The following KHDRBS2 variants were observed in gnomAD, a reference collection of about 807,000 sequenced individuals.
The protein encoded by KHDRBS2 is KH domain-containing, RNA-binding, signal transduction-associated protein 2.
In KHDRBS2, 26 loss-of-function variants were observed where a neutral mutation model predicts 44.3. The ratio of observed to expected loss-of-function variants is 0.59; its 90% CI spans 0.43 to 0.81. The LOEUF (loss-of-function observed/expected upper bound fraction) is 0.81, where lower values mean the gene tolerates loss of function less well. Among genes scored for constraint, KHDRBS2 ranks in the 40% least tolerant of loss-of-function variants. The probability of loss-of-function intolerance (pLI) is 0.00; values close to 1 mark genes in which losing one functional copy is unlikely to be tolerated. For missense variants in KHDRBS2, 476 were observed against 433.1 expected, an observed-to-expected ratio of 1.10 and a Z score of -0.88; for synonymous variants, 194 against 151.1, an observed-to-expected ratio of 1.28 and a Z score of -2.08.
At chr6:61,973,356 T>C (rs970277473) in intron 4 of KHDRBS2, among the ~76,000 whole-genome samples, 19 of 152,180 alleles carry the variant, frequency 1.2e-4, no homozygotes, top group African/African-American at 4.1e-4. Flanking sequence ...TAGTAATCAG[T>C]GACATTTTCC....
chr6:61,854,608 G>A (rs370559075), intron 6 of KHDRBS2, among the ~76,000 whole-genome samples: 17 of 152,092 alleles, frequency 1.1e-4, no homozygotes, highest in African/African-American at 2.2e-4. Context: ...ACTATTTTAC[G>A]CCTACAACTT....
At chr6:61,993,673 A>ATAT (rs1425839225) in intron 3 of KHDRBS2, among the ~76,000 whole-genome samples, 1 of 115,694 alleles carries the variant, frequency 8.6e-6, no homozygotes, top group African/African-American at 3.2e-5. Flanking sequence ...ATATATATAT[A>ATAT]TTTTTTTTTT....
At chr6:61,631,303 G>A in the KHDRBS2 span, among the ~76,000 whole-genome samples, 1 of 35,504 alleles carries the variant, frequency 2.8e-5, no homozygotes. Flanking sequence ...AGACGAATAA[G>A]CCAAAAAAAA....
chr6:62,055,750 T>C (rs988779117), intron 2 of KHDRBS2, among the ~76,000 whole-genome samples: 1 of 152,006 alleles, frequency 6.6e-6, no homozygotes, highest in Non-Finnish European at 1.5e-5. Flanking sequence ...GTAGGTTCAC[T>C]TTCGTGGTGG....
intron 8 of KHDRBS2, among the ~76,000 whole-genome samples, chr6:61,689,321 C>T (rs1322663652): frequency 6.6e-6 from 1 of 151,766 alleles, no homozygotes; most frequent in Non-Finnish European, 1.5e-5. Flanking sequence ...TTCCTTTTTC[C>T]TTTGAGTTGT....
At chr6:61,672,536 T>A in the KHDRBS2 span, among the ~76,000 whole-genome samples, 1 of 152,212 alleles carries the variant, frequency 6.6e-6, no homozygotes, top group East Asian at 1.9e-4. Context: ...ATGATTGCCA[T>A]TCTAACTGGT....
chr6:61,830,530 G>A (rs1791622906), intron 6 of KHDRBS2, among the ~76,000 whole-genome samples: 1 of 152,180 alleles, frequency 6.6e-6, no homozygotes, highest in Non-Finnish European at 1.5e-5. Flanking sequence ...ACTGATTATT[G>A]AATTCTGCAA....
At chr6:62,203,957 T>C (rs1463442535) in intron 1 of KHDRBS2, among the ~76,000 whole-genome samples, 1 of 152,108 alleles carries the variant, frequency 6.6e-6, no homozygotes, top group Non-Finnish European at 1.5e-5. Context: ...ACTCTATTAA[T>C]TCACATGAGA....
In KHDRBS2 at chr6:62,103,566, G is replaced by C. The variant is rs1402562016; in HGVS notation, c.220-55572C>G. Among the ~76,000 whole-genome samples the C allele has an allele frequency of 3.2e-5, 4 of 125,472 alleles. No homozygotes were observed. In the Admixed American group the frequency reaches 4.2e-4, roughly 13 times the overall value. 82.3% of individuals were successfully genotyped at this position (125,472 alleles called of 152,430 possible). A position where few individuals can be genotyped will look rare whatever the true frequency, so the allele number is the denominator to read the frequency against. ...TCCCGCCCCCCACCCCCACCTCTGAGAGCACCAGGATGTCTGGTCTGGGTC... is the reference window on the plus strand; with the variant it reads ...TCCCGCCCCCCACCCCCACCTCTGACAGCACCAGGATGTCTGGTCTGGGTC... On this transcript the variant is annotated intron_variant, in intron 2 of 8. Transcript: ENST00000281156.
chr6:61,751,659 T>C (rs1228667809), intron 6 of KHDRBS2, among the ~76,000 whole-genome samples: 1 of 152,166 alleles, frequency 6.6e-6, no homozygotes, highest in African/African-American at 2.4e-5. Flanking sequence ...ATTTTAGGGA[T>C]TAACCAAATT....
chr6:61,906,638 T>C (rs1278817620), intron 4 of KHDRBS2, among the ~76,000 whole-genome samples: 1 of 152,140 alleles, frequency 6.6e-6, no homozygotes, highest in Non-Finnish European at 1.5e-5. Flanking sequence ...CACATATGAG[T>C]GAGGACATGT....
At chr6:61,944,322 A>G (rs1177697443) in intron 4 of KHDRBS2, among the ~76,000 whole-genome samples, 1 of 152,196 alleles carries the variant, frequency 6.6e-6, no homozygotes, top group African/African-American at 2.4e-5. Context: ...CTATTAGTCC[A>G]TATAAAAGAA....
chr6:61,588,676 C>T, the KHDRBS2 span, among the ~76,000 whole-genome samples: 1 of 152,018 alleles, frequency 6.6e-6, no homozygotes. Flanking sequence ...CCTGCAGTCC[C>T]AGTGGCTTGG....
intron 5 of KHDRBS2, among the ~76,000 whole-genome samples, chr6:61,900,880 G>A (rs534457838): frequency 3.3e-5 from 5 of 152,136 alleles, no homozygotes; most frequent in East Asian, 1.9e-4. Flanking sequence ...TAATCCTGAG[G>A]ATAGAACAGT....
intron 3 of KHDRBS2, among the ~76,000 whole-genome samples, chr6:62,041,078 C>T (rs1244553337): frequency 6.6e-6 from 1 of 152,064 alleles, no homozygotes; most frequent in Non-Finnish European, 1.5e-5. Context: ...CACTTGTAAT[C>T]CCAGCACTTT....
At chr6:61,576,543 C>A in the KHDRBS2 span, among the ~76,000 whole-genome samples, 1 of 151,954 alleles carries the variant, frequency 6.6e-6, no homozygotes, top group East Asian at 1.9e-4. Context: ...AATTTGGATG[C>A]CTTTTATTTC....
At chr6:61,797,600 A>C (rs1219689936) in intron 6 of KHDRBS2, among the ~76,000 whole-genome samples, 1 of 151,956 alleles carries the variant, frequency 6.6e-6, no homozygotes, top group African/African-American at 2.4e-5. Flanking sequence ...GGAAATGTCA[A>C]ATGCCAAGTT....
At chr6:61,556,725 C>T in the KHDRBS2 span, among the ~76,000 whole-genome samples, 3,920 of 152,162 alleles carry the variant, frequency 0.026, 69 homozygotes, top group Non-Finnish European at 0.04. Flanking sequence ...GTTCTGGGAA[C>T]TTTGGTGTCT....
chr6:62,074,128 T>G (rs1480451534), intron 2 of KHDRBS2, among the ~76,000 whole-genome samples: 3 of 151,784 alleles, frequency 2.0e-5, no homozygotes, highest in Non-Finnish European at 4.4e-5. Context: ...AAACCACACA[T>G]AAACCTATCA....
Sources: allele counts gnomAD v4.1 joint callset (sites outside exome capture counted in the v4.1 genomes callset), GRCh38; gene constraint gnomAD v4.1.1; transcripts MANE v1.5; gene names NCBI Gene and HGNC (gene_info 2026-07-23, HGNC 2026-07-21).